Variants in ABHD18 observed in about 807,000 individuals in gnomAD.
The protein encoded by ABHD18 is cardiolipin-specific deacylase, mitochondrial.
Under a neutral mutation model 65.9 loss-of-function variants are expected in ABHD18, and 55 were observed. That is an observed-to-expected ratio of 0.84 (90% CI 0.67 to 1.05). The LOEUF is 1.05. Among genes scored for constraint, ABHD18 ranks in the 50% least tolerant of loss-of-function variants. The pLI is 0.00. For missense variants in ABHD18, 533 were observed against 558.5 expected (o/e 0.95, Z 0.46); for synonymous variants, 181 against 180.2 (o/e 1.00, Z -0.04).
chr4:128,011,627 A>G, intron 6 of ABHD18, 46 bp from the exon 7 acceptor site: 2 of 1,472,284 alleles, frequency 1.4e-6, no homozygotes, highest in Non-Finnish European at 1.8e-6. Context: ...AGACAAACAA[A>G]ATTATTTAAT....
intron 2 of ABHD18, among the ~76,000 whole-genome samples, chr4:127,983,671 C>T (rs1404559758): frequency 6.6e-6 from 1 of 152,098 alleles, no homozygotes; most frequent in Non-Finnish European, 1.5e-5. Context: ...CGAGAACAGC[C>T]TGGCTAACAT....
chr4:127,988,662 A>G (rs1750401888), intron 3 of ABHD18, among the ~76,000 whole-genome samples: 2 of 152,372 alleles, frequency 1.3e-5, no homozygotes, highest in African/African-American at 4.8e-5. Flanking sequence ...CCAACCAGGT[A>G]TATGAAAAAA....
At chr4:128,017,779 A>G (rs1755769227) in intron 8 of ABHD18, among the ~76,000 whole-genome samples, 1 of 152,174 alleles carries the variant, frequency 6.6e-6, no homozygotes, top group African/African-American at 2.4e-5. Flanking sequence ...TAAATGCCCA[A>G]TTTTGCTGTT....
intron 10 of ABHD18, among the ~76,000 whole-genome samples, chr4:128,024,101 T>C (rs553940486): frequency 1.4e-4 from 21 of 152,218 alleles, no homozygotes; most frequent in South Asian, 2.1e-4. Flanking sequence ...GAGATATATG[T>C]GGCTCACAGT....
intron 4 of ABHD18, among the ~76,000 whole-genome samples, chr4:128,000,762 T>A (rs1352557267): frequency 6.6e-6 from 1 of 152,230 alleles, no homozygotes; most frequent in East Asian, 1.9e-4. Context: ...TTCCTATACA[T>A]GAGCATGGAA....
At chr4:127,993,625 T>G (rs1751286876) in intron 4 of ABHD18, among the ~76,000 whole-genome samples, 1 of 152,204 alleles carries the variant, frequency 6.6e-6, no homozygotes, top group Non-Finnish European at 1.5e-5. Context: ...CTATTTTATG[T>G]ATATTCTAGT....
At chr4:127,981,821 T>C (rs999024179) in intron 1 of ABHD18, among the ~76,000 whole-genome samples, 1 of 152,080 alleles carries the variant, frequency 6.6e-6, no homozygotes, top group African/African-American at 2.4e-5. Flanking sequence ...GAGAGATGGG[T>C]GCTATTAAAA....
At chr4:127,988,633 A>G (rs1293275206) in intron 3 of ABHD18, among the ~76,000 whole-genome samples, 1 of 152,180 alleles carries the variant, frequency 6.6e-6, no homozygotes, top group Non-Finnish European at 1.5e-5. Flanking sequence ...ACATTTTTCA[A>G]AAGAAGACAT....
chr4:127,992,461 A>G (rs74888791), intron 4 of ABHD18, among the ~76,000 whole-genome samples: 5,362 of 152,080 alleles, frequency 0.035, 319 homozygotes, highest in African/African-American at 0.12. Flanking sequence ...GGTGACAAGA[A>G]TGAAACACCA....
At chr4:127,979,477 C>G (rs1579160786) in intron 1 of ABHD18, among the ~76,000 whole-genome samples, 1 of 152,264 alleles carries the variant, frequency 6.6e-6, no homozygotes, top group Middle Eastern at 3.4e-3. Context: ...ATCATTTGAA[C>G]CGGGGAGGCA....
chr4:127,984,275 TA>T, intron 2 of ABHD18, 63 bp from the exon 3 acceptor site: 1 of 903,058 alleles, frequency 1.1e-6, no homozygotes, highest in Non-Finnish European at 1.7e-6. Flanking sequence ...GTCTCAATTA[TA>T]ATGTGCTTAG....
intron 4 of ABHD18, among the ~76,000 whole-genome samples, chr4:128,005,215 G>A (rs1753403275): frequency 6.6e-6 from 1 of 152,160 alleles, no homozygotes; most frequent in South Asian, 2.1e-4. Flanking sequence ...TGCAACCAGT[G>A]AGACTCTGTC....
chr4:128,020,291 T>C, intron 9 of ABHD18, 122 bp downstream of exon 9: 1 of 691,504 alleles, frequency 1.4e-6, no homozygotes, highest in East Asian at 2.8e-5. Context: ...ACTCAGGATA[T>C]AGTCGTAATC....
intron 4 of ABHD18, among the ~76,000 whole-genome samples, chr4:128,008,185 C>T (rs1753936564): frequency 1.3e-5 from 2 of 150,392 alleles, no homozygotes; most frequent in Admixed American, 6.6e-5. Flanking sequence ...GCACTTGAAC[C>T]TGGGAGGCGG....
At chr4:128,022,944 T>C (rs897754102) in intron 10 of ABHD18, among the ~76,000 whole-genome samples, 2 of 152,092 alleles carry the variant, frequency 1.3e-5, no homozygotes, top group Admixed American at 6.6e-5. Flanking sequence ...CTAATTTTTG[T>C]ATTTTTAGTA....
intron 4 of ABHD18, among the ~76,000 whole-genome samples, chr4:128,006,590 T>G (rs1753639237): frequency 6.6e-6 from 1 of 152,218 alleles, no homozygotes; most frequent in Non-Finnish European, 1.5e-5. Context: ...TTATGTTGCC[T>G]AAGAATCCAG....
In ABHD18 at chr4:128,003,957, A is replaced by C. The variant is rs111227723; in HGVS notation, c.279-4963A>C. ...AGACCCTGTCTCGATTTAAAAAAAA[A>C]AAAAACAAAAAAAAACCAAACAAAC... On this transcript the variant is annotated intron_variant, in intron 4 of 12. Coordinates refer to ENST00000645843, the MANE Select transcript of ABHD18 (RefSeq NM_001358451.3). Among the ~76,000 whole-genome samples, 935 of 150,712 alleles carry C rather than the reference A, an allele frequency of 6.2e-3. 19 individuals carry two copies. Among genetic ancestry groups the C allele is most frequent in the African/African-American group, 0.022 (878 of 40,700 alleles).
chr4:127,998,693 G>A (rs1406408288), intron 4 of ABHD18, among the ~76,000 whole-genome samples: 1 of 151,824 alleles, frequency 6.6e-6, no homozygotes, highest in Non-Finnish European at 1.5e-5. Context: ...GGTCTTTCTG[G>A]TTTTTCTCCA....
chr4:128,028,733 C>G lies in ABHD18; in HGVS notation c.1060C>G (p.Arg354Gly), dbSNP rs141361679. ...LSTNKSGYTS[R>G]NPQSYHLLSK... Reference sequence around the variant, plus strand: ...AACCAACAAAAGTGGTTATACAAGTCGCAACCCTCAGTCATACCACCTACT... The same window carrying G: ...AACCAACAAAAGTGGTTATACAAGTGGCAACCCTCAGTCATACCACCTACT... Residue 354 changes from arginine (R) to glycine (G), a missense_variant, in exon 11 of 13, where the codon CGC becomes GGC. Physicochemically the swap from Arg to Gly is moderately radical, Grantham distance 125. Around this residue, in one of 3 missense-constraint regions of ABHD18, gnomAD observed 220 missense variants for 226.8 expected, o/e 0.97. Transcript: ENST00000645843. 1.4e-4 allele frequency: 233 copies of G among 1,613,854 alleles called. 2 individuals carry two copies. The East Asian group carries it at 5.1e-3, about 36-fold the overall frequency.
Sources: gnomAD v4.1 joint callset for allele counts (sites outside exome capture counted in the v4.1 genomes callset) on GRCh38, gnomAD v4.1.1 for gene constraint, gnomAD v4.1.1 regional missense constraint, MANE v1.5 for transcripts, NCBI Gene and HGNC (gene_info 2026-07-23, HGNC 2026-07-21) for gene names.